Variants in PCGF3 observed in about 807,000 individuals in gnomAD.
The protein encoded by PCGF3 is polycomb group RING finger protein 3.
A neutral mutation model predicts 33.1 loss-of-function variants in PCGF3; 7 were observed. The observed-to-expected ratio is 0.21, with a 90% CI of 0.12 to 0.40. The LOEUF is 0.40. Ranked by LOEUF, PCGF3 falls within the 10% of genes least tolerant of loss-of-function variation. PCGF3 has a pLI of 1.00. For synonymous variants in PCGF3, 153 were observed against 121.3 expected, an observed-to-expected ratio of 1.26 and a Z score of -1.72; for missense variants, 211 against 313.3, an observed-to-expected ratio of 0.67 and a Z score of 2.46.
At chr4:717,918 T>C (rs1405494378) in intron 1 of PCGF3, among the ~76,000 whole-genome samples, 3 of 152,212 alleles carry the variant, frequency 2.0e-5, no homozygotes, top group African/African-American at 7.2e-5. Flanking sequence ...GAGGAGCCTC[T>C]GCGTCCACTC....
chr4:728,417 G>A (rs1014203246), intron 1 of PCGF3, among the ~76,000 whole-genome samples: 9 of 151,762 alleles, frequency 5.9e-5, no homozygotes, highest in African/African-American at 2.2e-4. Flanking sequence ...GGCGTAGAGT[G>A]CGTGGGGGGT....
At chr4:744,717 GTTA>G in intron 8 of PCGF3, 29 bp downstream of exon 8, 1 of 1,127,982 alleles carries the variant, frequency 8.9e-7, no homozygotes, top group Non-Finnish European at 1.3e-6. Flanking sequence ...TCGCTGCAGT[GTTA>G]GTGTTCGCCG....
chr4:736,734 G>A (rs1315335630), intron 5 of PCGF3, among the ~76,000 whole-genome samples: 7 of 127,278 alleles, frequency 5.5e-5, no homozygotes, highest in Non-Finnish European at 6.8e-5. Context: ...CTGAGCGCAC[G>A]GGACGCGGGG....
chr4:761,702 G>A (rs1480539310), intron 9 of PCGF3: 2 of 985,382 alleles, frequency 2.0e-6, no homozygotes, highest in South Asian at 4.7e-5. Context: ...TCCTCAAAAC[G>A]AGAAATTCTG....
chr4:723,298 C>T (rs981278908), intron 1 of PCGF3, among the ~76,000 whole-genome samples: 1 of 152,196 alleles, frequency 6.6e-6, no homozygotes, highest in Non-Finnish European at 1.5e-5. Flanking sequence ...TGAGGTCCAC[C>T]GGGGAGAGGA....
Position 721,084 on chromosome 4 carries a change from C to G in PCGF3, c.-189-9546C>G, listed in dbSNP as rs1414786447. ...CACCCCTCCCACCTGGGCTGGGCAC[C>G]CATGAGGCTGAGGACCCTGGGGAGG... On this transcript the variant is annotated intron_variant, in intron 1 of 10. Coordinates refer to ENST00000362003, the Ensembl canonical transcript of PCGF3. This position sits in a 1 kb window ranked among gnomAD's most constrained non-coding sequence, Gnocchi z 4.1. Among the ~76,000 whole-genome samples the G allele has an allele frequency of 6.6e-6, 1 of 151,434 alleles. No individual in the cohort carries two copies. The highest frequency in any genetic ancestry group is 1.5e-5 in the Non-Finnish European group (1 of 67,838).
At chr4:765,432 C>CAA (rs33972537) in intron 10 of PCGF3, among the ~76,000 whole-genome samples, 7 of 139,464 alleles carry the variant, frequency 5.0e-5, no homozygotes, top group African/African-American at 1.3e-4. Flanking sequence ...GACTCTGTCT[C>CAA]AAAAAAAAAA....
chr4:756,584 C>T (rs1744778803), intron 8 of PCGF3, among the ~76,000 whole-genome samples: 2 of 152,018 alleles, frequency 1.3e-5, no homozygotes, highest in Non-Finnish European at 2.9e-5. Context: ...TAAAATAATT[C>T]TAGAATTTTC....
chr4:735,103 G>T (rs1192276838), intron 5 of PCGF3, 76 bp downstream of exon 5: 1 of 1,476,852 alleles, frequency 6.8e-7, no homozygotes, highest in Non-Finnish European at 9.2e-7. Flanking sequence ...GCCTTCCCAG[G>T]CCATTAGCGC....
intron 10 of PCGF3, among the ~76,000 whole-genome samples, chr4:765,769 C>G (rs1350685226): frequency 6.6e-6 from 1 of 152,070 alleles, no homozygotes; most frequent in Non-Finnish European, 1.5e-5. Context: ...AGGGCCACAT[C>G]AGGTACAGGT....
At chr4:729,190 G>C (rs1241068913) in intron 1 of PCGF3, among the ~76,000 whole-genome samples, 1 of 151,028 alleles carries the variant, frequency 6.6e-6, no homozygotes, top group Non-Finnish European at 1.5e-5. Flanking sequence ...TGAGGCGGGA[G>C]GATCACTTGA....
At chr4:716,726 G>A (rs113295597) in intron 1 of PCGF3, among the ~76,000 whole-genome samples, 1 of 143,358 alleles carries the variant, frequency 7.0e-6, no homozygotes, top group Non-Finnish European at 1.5e-5. Flanking sequence ...AAGACACTGA[G>A]TGTGAGAACT....
intron 8 of PCGF3, among the ~76,000 whole-genome samples, chr4:750,545 TTC>T: frequency 6.6e-6 from 1 of 152,212 alleles, no homozygotes; most frequent in Admixed American, 6.5e-5. Context: ...CTGCCTCAGT[TTC>T]TCTGTCTGTG....
At chr4:735,808 G>A (rs984493089) in intron 5 of PCGF3, among the ~76,000 whole-genome samples, 2 of 152,324 alleles carry the variant, frequency 1.3e-5, no homozygotes, top group South Asian at 2.1e-4. Context: ...CCCTGGGCCA[G>A]CCACCATTTC....
intron 8 of PCGF3, among the ~76,000 whole-genome samples, chr4:753,177 A>G (rs1744602842): frequency 6.6e-6 from 1 of 152,204 alleles, no homozygotes; most frequent in South Asian, 2.1e-4. Flanking sequence ...GTTAGAACAG[A>G]ACTTTAGAGC....
At chr4:717,469 TC>T (rs1322459864) in intron 1 of PCGF3, among the ~76,000 whole-genome samples, 4 of 152,196 alleles carry the variant, frequency 2.6e-5, no homozygotes, top group Non-Finnish European at 4.4e-5. Flanking sequence ...AACCTCCACT[TC>T]CTGAGTTCAA....
rs1198807635 is a variant in PCGF3 at position 734,804 on chromosome 4, AAGG to A, written c.110-122_110-120del. Reference sequence around the variant, plus strand: ...TTTCCTTTCAGAAGCTGAGAGCCACAAGGAGGACAGCAGTGAGCATCTGCACAG... The same window carrying A: ...TTTCCTTTCAGAAGCTGAGAGCCACAAGGACAGCAGTGAGCATCTGCACAG... On this transcript the variant is annotated intron_variant, in intron 4 of 10. Coordinates refer to ENST00000362003, the Ensembl canonical transcript of PCGF3. 2.1e-6 allele frequency: 3 copies of A among 1,418,814 alleles called. No homozygotes were observed. The East Asian group carries it at 8.0e-5, about 38-fold the overall frequency. The allele number at this position is 1,418,814 out of a possible 1,614,324, so 87.9% of individuals were successfully genotyped here. A position where few individuals can be genotyped will look rare whatever the true frequency, so the allele number is the denominator to read the frequency against.
intron 6 of PCGF3, among the ~76,000 whole-genome samples, chr4:740,249 A>G (rs897317175): frequency 2.6e-5 from 4 of 151,986 alleles, no homozygotes; most frequent in Non-Finnish European, 5.9e-5. Context: ...TCCCACCTGG[A>G]CTCCGGGCAG....
chr4:716,753 A>C (rs1577397224), intron 1 of PCGF3, among the ~76,000 whole-genome samples: 1 of 106,208 alleles, frequency 9.4e-6, no homozygotes, highest in African/African-American at 3.9e-5. Context: ...CGGTGCTGGG[A>C]CCCTGTAGAT....
Sources: allele counts gnomAD v4.1 joint callset (sites outside exome capture counted in the v4.1 genomes callset), GRCh38; gene constraint gnomAD v4.1.1; non-coding constraint Gnocchi (gnomAD v3.1); transcripts MANE v1.5; gene names NCBI Gene and HGNC (gene_info 2026-07-23, HGNC 2026-07-21).